Variants in BANP observed in about 807,000 individuals in gnomAD.
BANP encodes protein BANP.
A neutral mutation model predicts 68.1 loss-of-function variants in BANP; 11 were observed. The ratio of observed to expected loss-of-function variants is 0.16; its 90% confidence interval spans 0.10 to 0.27. The LOEUF (loss-of-function observed/expected upper bound fraction) is 0.27, where lower values mean the gene tolerates loss of function less well. BANP is among the 10% of genes least tolerant of loss of function. The probability of loss-of-function intolerance (pLI) is 1.00; values close to 1 mark genes in which losing one functional copy is unlikely to be tolerated. For synonymous variants in BANP, 329 were observed against 303.2 expected (o/e 1.09, Z -0.88); for missense variants, 504 against 722.7 (o/e 0.70, Z 3.47).
At chr16:87,983,374 C>G (rs1274063042) in intron 3 of BANP, among the ~76,000 whole-genome samples, 1 of 152,224 alleles carries the variant, frequency 6.6e-6, no homozygotes, top group Non-Finnish European at 1.5e-5. Context: ...TGGCTCCTGG[C>G]TGGGACGGCA....
chr16:87,954,278 C>A (rs1023706537), intron 1 of BANP, among the ~76,000 whole-genome samples: 1 of 152,144 alleles, frequency 6.6e-6, no homozygotes, highest in African/African-American at 2.4e-5. Context: ...GTTTCTTTTT[C>A]ATAGTAGCTT....
At chr16:88,013,859 G>C (rs900950262) in intron 6 of BANP, among the ~76,000 whole-genome samples, 1 of 152,204 alleles carries the variant, frequency 6.6e-6, no homozygotes, top group African/African-American at 2.4e-5. Flanking sequence ...AGTACTTAGA[G>C]GAGTGAGGTG....
intron 7 of BANP, among the ~76,000 whole-genome samples, chr16:88,025,146 T>C (rs1010085167): frequency 6.6e-6 from 1 of 152,168 alleles, no homozygotes; most frequent in Non-Finnish European, 1.5e-5. Context: ...TTTCTTGCCC[T>C]CCCGGTGGCA....
chr16:88,076,025 C>T (rs1210297131), intron 13 of BANP, among the ~76,000 whole-genome samples: 1 of 152,230 alleles, frequency 6.6e-6, no homozygotes, highest in East Asian at 1.9e-4. Context: ...GGATTATAGG[C>T]ATGAGCCACT....
At chr16:88,016,045 C>T (rs1250510870) in intron 6 of BANP, among the ~76,000 whole-genome samples, 1 of 152,188 alleles carries the variant, frequency 6.6e-6, no homozygotes, top group Non-Finnish European at 1.5e-5. Flanking sequence ...TTGCCAGCCA[C>T]CAGGGGCCAC....
At chr16:88,061,104 G>A (rs1398992769) in intron 11 of BANP, among the ~76,000 whole-genome samples, 2 of 152,198 alleles carry the variant, frequency 1.3e-5, no homozygotes, top group Non-Finnish European at 2.9e-5. Flanking sequence ...TAGCCTTTGT[G>A]TTGCCTTCTC....
chr16:87,970,767 C>T (rs1489832218), intron 1 of BANP, among the ~76,000 whole-genome samples: 1 of 152,088 alleles, frequency 6.6e-6, no homozygotes, highest in Non-Finnish European at 1.5e-5. Flanking sequence ...GCCTGTCATC[C>T]CAGCACTTTG....
At chr16:88,026,454 G>A (rs1056628953) in intron 7 of BANP, among the ~76,000 whole-genome samples, 10 of 152,230 alleles carry the variant, frequency 6.6e-5, no homozygotes, top group African/African-American at 2.2e-4. Flanking sequence ...GCGCCAGAAT[G>A]TTCTGGGTGC....
At chr16:88,029,306 CAAAAAAA>C (rs59989652) in intron 8 of BANP, among the ~76,000 whole-genome samples, 30 of 55,776 alleles carry the variant, frequency 5.4e-4, no homozygotes, top group Middle Eastern at 0.032. Context: ...GACTGTATCT[CAAAAAAA>C]AAAAAAAAAA....
intron 4 of BANP, among the ~76,000 whole-genome samples, chr16:87,998,791 G>C: frequency 7.7e-6 from 1 of 130,310 alleles, no homozygotes; most frequent in African/African-American, 3.0e-5. Flanking sequence ...CACGTGCGCG[G>C]CTGTACTTAC....
intron 1 of BANP, among the ~76,000 whole-genome samples, chr16:87,958,308 C>G (rs552826658): frequency 3.0e-4 from 46 of 152,298 alleles, no homozygotes; most frequent in African/African-American, 1.0e-3. Flanking sequence ...GTTAAGAATA[C>G]TGGATAAAAT....
At chr16:87,955,714 C>A (rs113778667) in intron 1 of BANP, among the ~76,000 whole-genome samples, 1 of 152,066 alleles carries the variant, frequency 6.6e-6, no homozygotes, top group Admixed American at 6.5e-5. Context: ...TGTAGCCTCT[C>A]GGTGGAAAAA....
At chr16:87,970,630 C>T (rs2060930600) in intron 1 of BANP, among the ~76,000 whole-genome samples, 1 of 152,116 alleles carries the variant, frequency 6.6e-6, no homozygotes, top group Admixed American at 6.5e-5. Flanking sequence ...TCCCTTTCAA[C>T]CCAGTGAAGT....
chr16:87,956,965 A>T (rs1213304513), intron 1 of BANP: 2 of 152,094 alleles, frequency 1.3e-5, no homozygotes, highest in Admixed American at 1.3e-4. Context: ...GAATCCTGTG[A>T]GTGTCTTTGG....
At chr16:88,022,621 C>G (rs190387145) in intron 7 of BANP, among the ~76,000 whole-genome samples, 34 of 152,262 alleles carry the variant, frequency 2.2e-4, no homozygotes, top group Admixed American at 3.3e-4. Flanking sequence ...TTCCTGTGGC[C>G]GCGGGGACAA....
At chr16:88,015,831 T>C (rs956146353) in intron 6 of BANP, among the ~76,000 whole-genome samples, 3 of 152,278 alleles carry the variant, frequency 2.0e-5, no homozygotes, top group African/African-American at 7.2e-5. Context: ...GTACCGGTGC[T>C]GCCAGGAGGC....
At chr16:88,016,238 A>T (rs970106952) in intron 6 of BANP, among the ~76,000 whole-genome samples, 2 of 152,224 alleles carry the variant, frequency 1.3e-5, no homozygotes, top group African/African-American at 2.4e-5. Flanking sequence ...CATGCAGGAG[A>T]AGCATGTGGC....
chr16:87,972,811 T>C (rs1311511915), intron 1 of BANP, among the ~76,000 whole-genome samples: 1 of 152,212 alleles, frequency 6.6e-6, no homozygotes, highest in East Asian at 1.9e-4. Context: ...CCAAGCCGTT[T>C]CTTTTCAATG....
chr16:88,027,371 G>A, intron 7 of BANP, 112 bp from the exon 8 acceptor site: 1 of 1,189,294 alleles, frequency 8.4e-7, no homozygotes, highest in Non-Finnish European at 1.2e-6. Flanking sequence ...GGCCTGGCGG[G>A]CTGGGGTGCC....
Sources: allele counts gnomAD v4.1 joint callset (sites outside exome capture counted in the v4.1 genomes callset), GRCh38; gene constraint gnomAD v4.1.1; transcripts MANE v1.5; gene names NCBI Gene and HGNC (gene_info 2026-07-23, HGNC 2026-07-21).